XPO4: variants seen among roughly 807,000 people sequenced by gnomAD.
XPO4 encodes exportin-4.
XPO4 carries 39 observed loss-of-function variants against 143.0 expected under a neutral mutation model. The ratio of observed to expected loss-of-function variants is 0.27; its 90% CI spans 0.21 to 0.36. The LOEUF is 0.36. Among genes scored for constraint, XPO4 ranks in the 10% least tolerant of loss-of-function variants. The probability of loss-of-function intolerance (pLI) is 1.00; values close to 1 mark genes in which losing one functional copy is unlikely to be tolerated. For missense variants in XPO4, 907 were observed against 1,348.0 expected, an observed-to-expected ratio of 0.67 and a Z score of 5.12; for synonymous variants, 439 against 474.0, an observed-to-expected ratio of 0.93 and a Z score of 0.96.
At chr13:20,870,355 C>T (rs1489432276) in intron 1 of XPO4, among the ~76,000 whole-genome samples, 3 of 151,848 alleles carry the variant, frequency 2.0e-5, no homozygotes, top group East Asian at 3.9e-4. Flanking sequence ...TCACTTGAAC[C>T]CAGGCAGCAG....
chr13:20,821,840 C>T lies in XPO4; in HGVS notation c.1037G>A (p.Ser346Asn). 1 of 1,613,892 alleles carries T rather than the reference C, an allele frequency of 6.2e-7. No individual in the cohort carries two copies. The highest frequency in any genetic ancestry group is 1.1e-5 in the South Asian group (1 of 91,032). Residue 346 changes from serine (S) to asparagine (N), a missense_variant, in exon 9 of 23, where the codon AGC (serine) becomes AAC (asparagine). Transcript: ENST00000255305. ...CACGGTTATCAGGTTGCTGATAATG[C>T]TGGAGATCCCCACAGCTTCAGAATC... ...IEDSEAVGIS[S>N]IISNLITVFP...
Position 20,796,254 on chromosome 13 carries a change from G to T in XPO4, c.2619C>A (p.Ser873=). ...AGGCTTCATATAAGTTCATAGCTTT[G>T]GACTGAAAAAAAAAAAAATGCACAA... ...AHKQICYLGE[S]KAMNLYEACL... The change falls in exon 18 of 23, where the codon TCC becomes TCA. Residue 873 remains serine, a splice_region_variant and synonymous_variant. Coordinates refer to ENST00000255305, the MANE Select transcript of XPO4 (RefSeq NM_022459.5). The T allele has an allele frequency of 6.4e-7, 1 of 1,556,822 alleles. No individual in the cohort carries two copies.
In XPO4 at chr13:20,800,195, G is replaced by A. The variant is rs768666543; in HGVS notation, c.2108C>T (p.Thr703Ile). 14 of 1,614,156 alleles carry A rather than the reference G, an allele frequency of 8.7e-6. No homozygotes were observed. The highest frequency in any genetic ancestry group is 2.7e-5 in the African/African-American group (2 of 75,040). Residue 703 changes from threonine to isoleucine, a missense_variant, in exon 15 of 23, where the codon ACT becomes ATT. Coordinates refer to ENST00000255305, the MANE Select transcript of XPO4 (RefSeq NM_022459.5). The stretch of plus-strand genomic sequence containing the variant: ...CACCAAAGTGACAAGGAGCTGCACA[G>A]TGTCATTTGCAAGGTCCTGCTCACT... The part of the protein sequence containing the change: ...WSSEQDLAND[T>I]VQLLVTLVER...
chr13:20,834,498 A>G (rs1431664670), intron 6 of XPO4, among the ~76,000 whole-genome samples: 2 of 151,974 alleles, frequency 1.3e-5, no homozygotes, highest in Non-Finnish European at 2.9e-5. Context: ...GCTTGAGCCC[A>G]AGAAGTCGAG....
intron 9 of XPO4, among the ~76,000 whole-genome samples, chr13:20,811,942 T>G (rs894967601): frequency 6.6e-6 from 1 of 152,208 alleles, no homozygotes; most frequent in African/African-American, 2.4e-5. Flanking sequence ...TATTAACATG[T>G]TTGATACATG....
At chr13:20,848,236 A>G in intron 4 of XPO4, 1 of 979,594 alleles carries the variant, frequency 1.0e-6, no homozygotes, top group Non-Finnish European at 1.2e-6. Flanking sequence ...TTACATCTAA[A>G]ATAAATGATA....
chr13:20,899,191 C>T (rs1470573621), intron 1 of XPO4, among the ~76,000 whole-genome samples: 5 of 151,848 alleles, frequency 3.3e-5, no homozygotes, highest in Admixed American at 1.3e-4. Context: ...TCATGGACAC[C>T]GAGGGACAAC....
chr13:20,836,100 G>A (rs1326295864), intron 6 of XPO4, among the ~76,000 whole-genome samples: 3 of 152,144 alleles, frequency 2.0e-5, no homozygotes, highest in Admixed American at 6.6e-5. Flanking sequence ...GTTCTGGGGA[G>A]TAAAAAGTTA....
chr13:20,795,841 C>A (rs2059351063), intron 18 of XPO4, among the ~76,000 whole-genome samples: 1 of 152,158 alleles, frequency 6.6e-6, no homozygotes, highest in Admixed American at 6.5e-5. Context: ...AAGAACAGTG[C>A]ATGGCATTTA....
chr13:20,828,206 C>T (rs979671370), intron 6 of XPO4, among the ~76,000 whole-genome samples: 5 of 152,190 alleles, frequency 3.3e-5, no homozygotes, highest in African/African-American at 1.2e-4. Context: ...CACCATTGCA[C>T]TCCAGCCTGG....
At chr13:20,815,704 A>G (rs1015160958) in intron 9 of XPO4, among the ~76,000 whole-genome samples, 13 of 152,240 alleles carry the variant, frequency 8.5e-5, no homozygotes, top group Non-Finnish European at 1.9e-4. Flanking sequence ...CACAGACAAA[A>G]AATGCAGTGA....
chr13:20,809,921 A>C lies in XPO4; in HGVS notation c.1220T>G (p.Leu407Trp). The change falls in exon 10 of 23, where the codon TTG becomes TGG. Residue 407 changes from leucine to tryptophan, a missense_variant. Leu to Trp is a moderately conservative substitution (Grantham distance 61, BLOSUM62 -2). Transcript: ENST00000255305. Reference sequence around the variant, plus strand: ...TTGAACCAAAGTTAACCAGGACTCCAACAATTTATCATATGCTTCCATGTA... The same window carrying C: ...TTGAACCAAAGTTAACCAGGACTCCCACAATTTATCATATGCTTCCATGTA... ...MVYMEAYDKL[L>W]ESWLTLVQDD... 1.2e-6 allele frequency: 2 copies of C among 1,613,784 alleles called. No individual in the cohort carries two copies. Among genetic ancestry groups the C allele is most frequent in the Non-Finnish European group, 1.7e-6 (2 of 1,179,814 alleles).
intron 1 of XPO4, among the ~76,000 whole-genome samples, chr13:20,888,045 T>C (rs2060476738): frequency 1.4e-5 from 2 of 147,744 alleles, no homozygotes; most frequent in East Asian, 4.1e-4. Context: ...CATGGTAGTG[T>C]ACGCCTGTAA....
chr13:20,832,322 G>GTCCGTAATTATGCAA (rs2059862834), intron 6 of XPO4, among the ~76,000 whole-genome samples: 1 of 152,084 alleles, frequency 6.6e-6, no homozygotes, highest in African/African-American at 2.4e-5. Flanking sequence ...AAATACACAG[G>GTCCGTAATTATGCAA]TCCGTAATTA....
intron 18 of XPO4, among the ~76,000 whole-genome samples, chr13:20,792,677 C>CACTCCA (rs2059301371): frequency 6.8e-6 from 1 of 146,316 alleles, no homozygotes; most frequent in East Asian, 2.0e-4. Context: ...GCCAAGGTCG[C>CACTCCA]GCCATTGCAC....
chr13:20,851,064 G>A, intron 4 of XPO4: 2 of 985,294 alleles, frequency 2.0e-6, no homozygotes, highest in Non-Finnish European at 2.4e-6. Flanking sequence ...CTTTCTTACA[G>A]AGGTTTTAAT....
In XPO4 at chr13:20,851,101, G is replaced by A. The variant is rs1046150231; in HGVS notation, c.456+4526C>T. On this transcript the variant is annotated intron_variant, in intron 4 of 22. Transcript: ENST00000255305. ...ATCTTGTTCACTGTCATTTATATCT[G>A]AGACTATGAAAACATTAAGTAAATT... 4.2e-5 allele frequency: 41 copies of A among 985,084 alleles called. No homozygotes were observed. The African/African-American group carries it at 7.0e-4, about 17-fold the overall frequency. The allele number at this position is 985,084 out of a possible 1,614,324, so 61.0% of individuals were successfully genotyped here. A position where few individuals can be genotyped will look rare whatever the true frequency, so the allele number is the denominator to read the frequency against.
chr13:20,820,887 C>T (rs2049431278), intron 9 of XPO4, among the ~76,000 whole-genome samples: 1 of 152,180 alleles, frequency 6.6e-6, no homozygotes, highest in Non-Finnish European at 1.5e-5. Context: ...AACAAAATAT[C>T]TACATTCTTT....
In XPO4 at chr13:20,809,221, G is replaced by T. The variant is rs1329480076; in HGVS notation, c.1355C>A (p.Ala452Asp). The T allele has an allele frequency of 6.2e-7, 1 of 1,612,556 alleles. No individual in the cohort carries two copies. The highest frequency in any genetic ancestry group is 2.2e-5 in the East Asian group (1 of 44,862). The part of the protein sequence containing the change: ...AAPDGTRNLT[A>D]NGVASREEEE... ...CTCCTCACGAGAGGCCACACCATTG[G>T]CAGTCTATTGCAAGTAAAAGAAATA... Residue 452 changes from alanine (A) to aspartate (D), a missense_variant, in exon 11 of 23, where the codon GCC (alanine) becomes GAC (aspartate). Coordinates refer to ENST00000255305, the MANE Select transcript of XPO4 (RefSeq NM_022459.5).
Sources: gnomAD v4.1 joint callset for allele counts (sites outside exome capture counted in the v4.1 genomes callset) on GRCh38, gnomAD v4.1.1 for gene constraint, MANE v1.5 for transcripts, NCBI Gene and HGNC (gene_info 2026-07-23, HGNC 2026-07-21) for gene names.